Variants in TRPS1 observed in about 807,000 individuals in gnomAD.
TRPS1 encodes transcriptional repressor GATA binding 1, also known as zinc finger transcription factor Trps1.
TRPS1 carries 6 observed loss-of-function variants against 101.2 expected under a neutral mutation model. The ratio of observed to expected loss-of-function variants is 0.06; its 90% CI spans 0.03 to 0.12. TRPS1 has a LOEUF of 0.12. Among genes scored for constraint, TRPS1 ranks in the 10% least tolerant of loss-of-function variants. The pLI is 1.00. For synonymous variants in TRPS1, 578 were observed against 589.8 expected (o/e 0.98, Z 0.29); for missense variants, 1,363 against 1,567.0 (o/e 0.87, Z 2.20).
chr8:115,573,474 T>C (rs1421060992), intron 5 of TRPS1, among the ~76,000 whole-genome samples: 1 of 152,212 alleles, frequency 6.6e-6, no homozygotes, highest in African/African-American at 2.4e-5. Context: ...GAAGACTGTC[T>C]GCTCAGCATA....
chr8:115,552,825 T>C (rs1375025974), intron 5 of TRPS1, among the ~76,000 whole-genome samples: 1 of 152,082 alleles, frequency 6.6e-6, no homozygotes, highest in African/African-American at 2.4e-5. Flanking sequence ...GAAGGTACTT[T>C]ATTTGTCAGC....
At chr8:115,641,559 T>A (rs1270717581) in intron 1 of TRPS1, among the ~76,000 whole-genome samples, 1 of 152,144 alleles carries the variant, frequency 6.6e-6, no homozygotes, top group East Asian at 1.9e-4. Flanking sequence ...TACCAGCCTA[T>A]AGCAATGGCT....
At chr8:115,640,742 G>A (rs1391581240) in intron 1 of TRPS1, among the ~76,000 whole-genome samples, 2 of 152,170 alleles carry the variant, frequency 1.3e-5, no homozygotes, top group African/African-American at 2.4e-5. Flanking sequence ...AGTGTTGAAG[G>A]GCGTAGTCTA....
intron 5 of TRPS1, among the ~76,000 whole-genome samples, chr8:115,574,767 C>T (rs1486183726): frequency 6.6e-6 from 1 of 151,576 alleles, no homozygotes; most frequent in Admixed American, 6.6e-5. Context: ...TTTATAAGTG[C>T]ATTGTCCTAT....
At chr8:115,579,606 T>C (rs2130423240) in intron 5 of TRPS1, among the ~76,000 whole-genome samples, 1 of 136,754 alleles carries the variant, frequency 7.3e-6, no homozygotes, top group African/African-American at 2.8e-5. Context: ...GTTTGATTCA[T>C]AATCAGTACC....
intron 5 of TRPS1, among the ~76,000 whole-genome samples, chr8:115,545,016 C>G (rs1816538679): frequency 6.6e-6 from 1 of 152,120 alleles, no homozygotes; most frequent in Admixed American, 6.6e-5. Context: ...TCGAGTAAGT[C>G]AGAGAATGCT....
chr8:115,656,563 CA>C (rs1433268564), intron 1 of TRPS1, among the ~76,000 whole-genome samples: 21 of 152,042 alleles, frequency 1.4e-4, no homozygotes, highest in Admixed American at 3.9e-4. Flanking sequence ...AAATGAGAAA[CA>C]ATTAAATGTC....
intron 5 of TRPS1, among the ~76,000 whole-genome samples, chr8:115,583,798 A>C (rs769245489): frequency 1.1e-4 from 16 of 152,060 alleles, no homozygotes; most frequent in Non-Finnish European, 1.8e-4. Flanking sequence ...GATCAATTCC[A>C]TACTAATAAC....
intron 2 of TRPS1, among the ~76,000 whole-genome samples, chr8:115,622,023 G>A (rs1015509486): frequency 5.3e-5 from 8 of 152,070 alleles, no homozygotes; most frequent in Non-Finnish European, 1.2e-4. Context: ...GCTCCCTCTT[G>A]GAACAAAATT....
rs374467220 is a variant in TRPS1, at chr8:115,550,808, G to A, written c.2700+36193C>T. ...GTTAAGTTTAACCAACTTTTATTGA[G>A]CTCCAACCACTGTTCATGTAAACAT... On this transcript the variant is annotated intron_variant, in intron 5 of 6. Coordinates refer to ENST00000395715, the MANE Select transcript of TRPS1 (RefSeq NM_014112.5). 5.3e-5 allele frequency among the ~76,000 whole-genome samples: 8 copies of A among 152,278 alleles called. No homozygotes were observed. In the East Asian group the frequency reaches 1.2e-3, roughly 22 times the overall value.
intron 5 of TRPS1, among the ~76,000 whole-genome samples, chr8:115,487,879 T>C (rs188178395): frequency 6.6e-6 from 1 of 152,356 alleles, no homozygotes; most frequent in Admixed American, 6.5e-5. Context: ...GAATATTACA[T>C]CAACGTAGTT....
At chr8:115,504,693 G>T (rs1202166628) in intron 5 of TRPS1, among the ~76,000 whole-genome samples, 1 of 152,142 alleles carries the variant, frequency 6.6e-6, no homozygotes, top group Admixed American at 6.5e-5. Context: ...TATACTGATA[G>T]CACTGAGTCA....
intron 5 of TRPS1, among the ~76,000 whole-genome samples, chr8:115,464,744 C>T (rs1032903425): frequency 1.3e-5 from 2 of 152,036 alleles, no homozygotes; most frequent in Non-Finnish European, 2.9e-5. Flanking sequence ...GAAAAAACTT[C>T]GACTCTCTCT....
At chr8:115,620,728 A>G (rs1302002989) in intron 2 of TRPS1, among the ~76,000 whole-genome samples, 1 of 152,162 alleles carries the variant, frequency 6.6e-6, no homozygotes, top group African/African-American at 2.4e-5. Flanking sequence ...CCTACCAACA[A>G]ATTTCTTTGA....
chr8:115,620,039 G>A lies in TRPS1; in HGVS notation c.59C>T (p.Pro20Leu). 1 of 1,614,092 alleles carries A rather than the reference G, an allele frequency of 6.2e-7. No individual in the cohort carries two copies. Among genetic ancestry groups the A allele is most frequent in the South Asian group, 1.1e-5 (1 of 91,080 alleles). Residue 20 changes from proline (P) to leucine (L), a missense_variant, in exon 3 of 7, where the codon CCC becomes CTC. This residue lies in a region of TRPS1 where 1,020 missense variants were observed against 1,073.0 expected (regional missense o/e 0.95). Transcript: ENST00000395715. ...TTCACTTGCAACGTTTCTCAGAGGG[G>A]GGTTCTTTTTCCGGACCATATCTGC... is the stretch of plus-strand genomic sequence containing the variant. ...DFTNMVRKKNPPLRNVASEGE... is the reference protein window; with the variant it reads ...DFTNMVRKKNLPLRNVASEGE...
At chr8:115,447,494 A>G (rs1813767490) in intron 5 of TRPS1, among the ~76,000 whole-genome samples, 2 of 152,180 alleles carry the variant, frequency 1.3e-5, no homozygotes, top group African/African-American at 2.4e-5. Flanking sequence ...ATAAGATATA[A>G]AAGTTATAAT....
intron 5 of TRPS1, among the ~76,000 whole-genome samples, chr8:115,522,059 T>C (rs1422152440): frequency 1.3e-5 from 2 of 151,984 alleles, no homozygotes; most frequent in African/African-American, 4.8e-5. Flanking sequence ...AATAAGTATG[T>C]GCTGTAGTTT....
At chr8:115,652,848 T>A (rs1811592928) in intron 1 of TRPS1, among the ~76,000 whole-genome samples, 1 of 152,250 alleles carries the variant, frequency 6.6e-6, no homozygotes. Context: ...TTAAAGAATG[T>A]CTGAAAAGGA....
At chr8:115,599,588 C>T (rs1280641000) in intron 4 of TRPS1, among the ~76,000 whole-genome samples, 16 of 152,068 alleles carry the variant, frequency 1.1e-4, no homozygotes, top group South Asian at 2.1e-4. Context: ...TGAGAACATG[C>T]GGTGTTTGGT....
Sources: allele counts gnomAD v4.1 joint callset (sites outside exome capture counted in the v4.1 genomes callset), GRCh38; gene constraint gnomAD v4.1.1; regional missense constraint gnomAD v4.1.1; transcripts MANE v1.5; gene names NCBI Gene and HGNC (gene_info 2026-07-23, HGNC 2026-07-21).